The following ZHX2 variants were observed in gnomAD, a reference collection of about 807,000 sequenced individuals.
ZHX2 encodes zinc fingers and homeoboxes protein 2.
Under a neutral mutation model 21.9 loss-of-function variants are expected in ZHX2, and 6 were observed. The observed-to-expected ratio is 0.27, with a 90% confidence interval of 0.15 to 0.54. The LOEUF (loss-of-function observed/expected upper bound fraction) is 0.54. Among genes scored for constraint, ZHX2 ranks in the 20% least tolerant of loss-of-function variants. The pLI is 0.95. For synonymous variants in ZHX2, 434 were observed against 437.1 expected, an observed-to-expected ratio of 0.99 and a Z score of 0.09; for missense variants, 908 against 1,090.7, an observed-to-expected ratio of 0.83 and a Z score of 2.36.
intron 1 of ZHX2, among the ~76,000 whole-genome samples, chr8:122,844,472 TATCCCTGCAGTCTGGG>T (rs1818709878): frequency 6.6e-6 from 1 of 152,234 alleles, no homozygotes. Flanking sequence ...GATATAAAAG[TATCCCTGCAGTCTGGG>T]ATCTGGAAAG....
intron 1 of ZHX2, among the ~76,000 whole-genome samples, chr8:122,817,471 G>T (rs1818061007): frequency 6.6e-6 from 1 of 152,124 alleles, no homozygotes; most frequent in Non-Finnish European, 1.5e-5. Context: ...TCTCTGTATT[G>T]CCCAACCCCA....
chr8:122,959,641 A>G (rs1813392666), intron 3 of ZHX2, among the ~76,000 whole-genome samples: 1 of 151,896 alleles, frequency 6.6e-6, no homozygotes, highest in South Asian at 2.1e-4. Flanking sequence ...TTTTCCCATC[A>G]CTCATTAGCT....
Position 122,952,088 on chromosome 8 carries a change from A to G in ZHX2, c.578A>G (p.Lys193Arg), listed in dbSNP as rs955056286. 1 of 1,613,166 alleles carries G rather than the reference A, an allele frequency of 6.2e-7. No individual in the cohort carries two copies. Among genetic ancestry groups the G allele is most frequent in the Non-Finnish European group, 8.5e-7 (1 of 1,179,830 alleles). The change falls in exon 3 of 4, where the codon AAA becomes AGA. Residue 193 changes from lysine (K) to arginine (R), a missense_variant. This residue lies in a region of ZHX2 where 220 missense variants were observed against 251.4 expected (regional missense o/e 0.88). Transcript: ENST00000314393. The surrounding 1 kb of genome is among the most constrained non-coding windows in gnomAD (Gnocchi z 6.9). ...CCCATCATGAAGCCTGGAAAACCAAAAGCGGATGCCAAGAAGGTGCCCAAG... is the reference window on the plus strand; with the variant it reads ...CCCATCATGAAGCCTGGAAAACCAAGAGCGGATGCCAAGAAGGTGCCCAAG... ...KTPIMKPGKP[K>R]ADAKKVPKKP... is the part of the protein sequence containing the mutation.
intron 1 of ZHX2, among the ~76,000 whole-genome samples, chr8:122,795,225 C>T (rs967606365): frequency 6.6e-6 from 1 of 152,260 alleles, no homozygotes; most frequent in African/African-American, 2.4e-5. Flanking sequence ...CCCCTGGTGG[C>T]AGGTCATTGC....
intron 1 of ZHX2, among the ~76,000 whole-genome samples, chr8:122,821,378 C>G (rs1427622928): frequency 6.6e-6 from 1 of 152,148 alleles, no homozygotes; most frequent in Non-Finnish European, 1.5e-5. Flanking sequence ...GCAGGCTAAG[C>G]TATAGTAAGG....
At chr8:122,810,357 G>C (rs1019735225) in intron 1 of ZHX2, 1 of 152,230 alleles carries the variant, frequency 6.6e-6, no homozygotes, top group African/African-American at 2.4e-5. Flanking sequence ...CCCAGTACCT[G>C]AGATCTTGTA....
intron 1 of ZHX2, among the ~76,000 whole-genome samples, chr8:122,792,902 C>T (rs1465030552): frequency 6.6e-6 from 1 of 152,202 alleles, no homozygotes; most frequent in Non-Finnish European, 1.5e-5. Flanking sequence ...GCGTACCTCA[C>T]CCCGGTCCAG....
At chr8:122,919,772 G>A (rs535199182) in intron 2 of ZHX2, among the ~76,000 whole-genome samples, 1 of 152,294 alleles carries the variant, frequency 6.6e-6, no homozygotes, top group African/African-American at 2.4e-5. Context: ...GAGAAATGGA[G>A]CTTCACTTCA....
chr8:122,797,179 T>C (rs1037282729), intron 1 of ZHX2, among the ~76,000 whole-genome samples: 5 of 152,196 alleles, frequency 3.3e-5, no homozygotes, highest in African/African-American at 1.2e-4. Flanking sequence ...GCAGAGTTTA[T>C]TTCTTCCTTT....
At chr8:122,827,063 C>G (rs901558233) in intron 1 of ZHX2, among the ~76,000 whole-genome samples, 18 of 152,298 alleles carry the variant, frequency 1.2e-4, no homozygotes, top group African/African-American at 4.1e-4. Flanking sequence ...ATCTCGCTCC[C>G]AGGCTGGAGG....
At chr8:122,811,821 C>T (rs998345702) in intron 1 of ZHX2, 4 of 152,154 alleles carry the variant, frequency 2.6e-5, no homozygotes, top group Non-Finnish European at 5.9e-5. Context: ...AGAAAGTTGC[C>T]AAGAATTTAA....
intron 2 of ZHX2, among the ~76,000 whole-genome samples, chr8:122,889,068 G>T (rs536086120): frequency 6.6e-6 from 1 of 152,230 alleles, no homozygotes; most frequent in East Asian, 1.9e-4. Flanking sequence ...CAAATGACAA[G>T]ATTTCATTCT....
At chr8:122,788,535 C>A (rs1422927235) in intron 1 of ZHX2, among the ~76,000 whole-genome samples, 1 of 152,084 alleles carries the variant, frequency 6.6e-6, no homozygotes, top group Non-Finnish European at 1.5e-5. Context: ...TCACTGCACT[C>A]CAGCCTGAGT....
chr8:122,934,439 A>G (rs1812621725), intron 2 of ZHX2, among the ~76,000 whole-genome samples: 1 of 152,168 alleles, frequency 6.6e-6, no homozygotes, highest in South Asian at 2.1e-4. Context: ...AGCTCCTCTC[A>G]CCATAATTAT....
intron 2 of ZHX2, among the ~76,000 whole-genome samples, chr8:122,929,360 A>T (rs1820928545): frequency 6.6e-6 from 1 of 152,164 alleles, no homozygotes; most frequent in Non-Finnish European, 1.5e-5. Flanking sequence ...GGGTCATTAC[A>T]TCTTGGAACA....
chr8:122,895,899 T>C (rs1322866562), intron 2 of ZHX2, among the ~76,000 whole-genome samples: 1 of 152,200 alleles, frequency 6.6e-6, no homozygotes, highest in Non-Finnish European at 1.5e-5. Context: ...ATAAGCTTTA[T>C]TAAGAGTTTC....
intron 3 of ZHX2, among the ~76,000 whole-genome samples, chr8:122,959,455 G>T (rs1386760742): frequency 6.6e-6 from 1 of 152,094 alleles, no homozygotes; most frequent in Admixed American, 6.6e-5. Flanking sequence ...TATTGTTGTC[G>T]ACTGTTTCCC....
chr8:122,870,427 C>T (rs921659957), intron 2 of ZHX2, among the ~76,000 whole-genome samples: 2 of 151,400 alleles, frequency 1.3e-5, no homozygotes, highest in African/African-American at 4.9e-5. Flanking sequence ...GTCAGGAGTT[C>T]AAGACCAGCC....
In ZHX2 at chr8:122,952,476, C is replaced by T; in HGVS notation, c.966C>T (p.Ser322=). Residue 322 remains serine, a synonymous_variant, in exon 3 of 4, where the codon TCC becomes TCT. Coordinates refer to ENST00000314393, the MANE Select transcript of ZHX2 (RefSeq NM_014943.5). This position sits in a 1 kb window ranked among gnomAD's most constrained non-coding sequence, Gnocchi z 6.9. ...TQRLKHGISW[S]PEEVEEARKK... is the part of the protein sequence containing the mutation. ...GCTTAAAGCATGGCATCAGCTGGTC[C>T]CCAGAAGAGGTGGAGGAGGCCCGGA... is the stretch of plus-strand genomic sequence containing the variant. The T allele has an allele frequency of 6.2e-7, 1 of 1,614,186 alleles. No homozygotes were observed. The highest frequency in any genetic ancestry group is 8.5e-7 in the Non-Finnish European group (1 of 1,180,030).
Sources: gnomAD v4.1 joint callset for allele counts (sites outside exome capture counted in the v4.1 genomes callset) on GRCh38, gnomAD v4.1.1 for gene constraint, gnomAD v4.1.1 regional missense constraint, Gnocchi (gnomAD v3.1) non-coding constraint, MANE v1.5 for transcripts, NCBI Gene and HGNC (gene_info 2026-07-23, HGNC 2026-07-21) for gene names.